The following FAM135B variants were observed in gnomAD, a reference collection of about 807,000 sequenced individuals.
The protein encoded by FAM135B is protein FAM135B.
In FAM135B, 43 loss-of-function variants were observed where a neutral mutation model predicts 127.7. The observed-to-expected ratio is 0.34, with a 90% CI of 0.26 to 0.43. FAM135B has a LOEUF of 0.43. FAM135B is among the 20% of genes least tolerant of loss of function. The pLI is 1.00. For missense variants in FAM135B, 1,558 were observed against 1,725.6 expected, an observed-to-expected ratio of 0.90 and a Z score of 1.72; for synonymous variants, 670 against 665.1, an observed-to-expected ratio of 1.01 and a Z score of -0.11.
intron 1 of FAM135B, among the ~76,000 whole-genome samples, chr8:138,478,319 T>C (rs946781897): frequency 3.9e-5 from 6 of 152,144 alleles, no homozygotes; most frequent in African/African-American, 1.4e-4. Flanking sequence ...AAGGTTCTTC[T>C]CTGTCCTTGG....
chr8:138,494,678 A>C lies in FAM135B; in HGVS notation c.-20+1993T>G, dbSNP rs148633528. On this transcript the variant is annotated intron_variant, in intron 1 of 19. Coordinates refer to ENST00000395297, the MANE Select transcript of FAM135B (RefSeq NM_015912.4). ...CCTTCAGCAATAAAATCAACCTGTC[A>C]GCATTCAGTCTATTTCAGTCAAATT... Among the ~76,000 whole-genome samples, 22 of 152,328 alleles carry C rather than the reference A, an allele frequency of 1.4e-4. No individual in the cohort carries two copies. The East Asian group carries it at 4.1e-3, about 28-fold the overall frequency.
At chr8:138,477,642 T>C (rs1367372489) in intron 1 of FAM135B, among the ~76,000 whole-genome samples, 1 of 152,174 alleles carries the variant, frequency 6.6e-6, no homozygotes, top group Non-Finnish European at 1.5e-5. Flanking sequence ...CCTCCTTTTC[T>C]CACTAAACAG....
chr8:138,347,760 G>T (rs1049852402), intron 2 of FAM135B, among the ~76,000 whole-genome samples: 1 of 152,072 alleles, frequency 6.6e-6, no homozygotes, highest in Admixed American at 6.6e-5. Context: ...GGATCAATAT[G>T]ACCTTAGAGA....
chr8:138,184,071 C>T lies in FAM135B; in HGVS notation c.874-5381G>A, dbSNP rs75866019. Among the ~76,000 whole-genome samples the T allele has an allele frequency of 2.2e-3, 328 of 152,294 alleles. 1 individual carries two copies. The highest frequency in any genetic ancestry group is 7.5e-3 in the African/African-American group (312 of 41,558). ...GAGCTCACCGGGAGCTCTCAGATCC[C>T]AGGATCTCAGATGGTTTCCTGAGAA... On this transcript the variant is annotated intron_variant, in intron 9 of 19. Transcript: ENST00000395297.
intron 11 of FAM135B, 150 bp downstream of exon 11, chr8:138,177,197 C>T: frequency 1.4e-6 from 1 of 740,270 alleles, no homozygotes; most frequent in South Asian, 2.1e-5. Context: ...CTGTCTGACT[C>T]TTTTGCCTGC....
At chr8:138,285,533 C>T (rs73439095) in intron 3 of FAM135B, among the ~76,000 whole-genome samples, 2,980 of 152,086 alleles carry the variant, frequency 0.02, 66 homozygotes, top group East Asian at 0.076. Flanking sequence ...GTTATGAGGA[C>T]GTATACAATA....
At chr8:138,161,072 T>C (rs1245764625) in intron 12 of FAM135B, among the ~76,000 whole-genome samples, 2 of 152,198 alleles carry the variant, frequency 1.3e-5, no homozygotes, top group Non-Finnish European at 2.9e-5. Context: ...ATAAACTTCA[T>C]GCTCTACAGT....
chr8:138,354,409 C>T (rs1829958890), intron 2 of FAM135B, among the ~76,000 whole-genome samples: 1 of 152,148 alleles, frequency 6.6e-6, no homozygotes, highest in South Asian at 2.1e-4. Context: ...TACCTTTGTG[C>T]ATACCTTCTC....
intron 1 of FAM135B, among the ~76,000 whole-genome samples, chr8:138,431,997 T>C (rs1172474352): frequency 6.6e-6 from 1 of 152,150 alleles, no homozygotes; most frequent in Non-Finnish European, 1.5e-5. Flanking sequence ...AAGTGTGTCA[T>C]GTGTCCTCCC....
intron 7 of FAM135B, among the ~76,000 whole-genome samples, chr8:138,205,457 G>T (rs1472709416): frequency 6.6e-6 from 1 of 152,142 alleles, no homozygotes. Flanking sequence ...TCAGGCCAGG[G>T]TCCAGGTTTA....
Position 138,242,839 on chromosome 8 carries a change from A to G in FAM135B, c.669+103T>C, listed in dbSNP as rs1820934894. 2.7e-6 allele frequency: 4 copies of G among 1,457,550 alleles called. No homozygotes were observed. The highest frequency in any genetic ancestry group is 4.8e-5 in the Admixed American group (2 of 41,760). The allele number at this position is 1,457,550 out of a possible 1,614,324, so 90.3% of individuals were successfully genotyped here. A position where few individuals can be genotyped will look rare whatever the true frequency, so the allele number is the denominator to read the frequency against. ...GAAAGGAAGGGTCAAATTAGCAAAAATCTCTGAAGGGGATGTTTCAAAGAA... is the reference window on the plus strand; with the variant it reads ...GAAAGGAAGGGTCAAATTAGCAAAAGTCTCTGAAGGGGATGTTTCAAAGAA... On this transcript the variant is annotated intron_variant, in intron 7 of 19. Coordinates refer to ENST00000395297, the MANE Select transcript of FAM135B (RefSeq NM_015912.4). This position sits in a 1 kb window ranked among gnomAD's most constrained non-coding sequence, Gnocchi z 9.6.
In FAM135B at chr8:138,481,094, G is replaced by C. The variant is rs138721036; in HGVS notation, c.-20+15577C>G. On this transcript the variant is annotated intron_variant, in intron 1 of 19. Transcript: ENST00000395297. ...TGTTAAAAGAATTTAAGTTTGAGGA[G>C]ATAGAGACCATGCCTGCCTTGCTCT... 3.3e-3 allele frequency among the ~76,000 whole-genome samples: 500 copies of C among 152,322 alleles called. 1 individual carries two copies. Among genetic ancestry groups the C allele is most frequent in the Non-Finnish European group, 5.9e-3 (404 of 68,034 alleles).
Position 138,236,518 on chromosome 8 carries a change from G to T in FAM135B, c.669+6424C>A, listed in dbSNP as rs367570744. ...TCTTTGGTTAAACATTCACATCATG[G>T]TTAATGATGGGGATGAGGAGATGGC... On this transcript the variant is annotated intron_variant, in intron 7 of 19. Coordinates refer to ENST00000395297, the MANE Select transcript of FAM135B (RefSeq NM_015912.4). Among the ~76,000 whole-genome samples, 4 of 152,150 alleles carry T rather than the reference G, an allele frequency of 2.6e-5. No homozygotes were observed. In the South Asian group the frequency reaches 8.3e-4, roughly 32 times the overall value.
At chr8:138,388,083 A>G (rs1403751215) in intron 1 of FAM135B, among the ~76,000 whole-genome samples, 2 of 152,190 alleles carry the variant, frequency 1.3e-5, no homozygotes, top group Non-Finnish European at 1.5e-5. Context: ...AAGTGGGCCG[A>G]GACCTTAACA....
chr8:138,387,428 G>C (rs1832284735), intron 1 of FAM135B, among the ~76,000 whole-genome samples: 2 of 152,176 alleles, frequency 1.3e-5, no homozygotes, highest in African/African-American at 4.8e-5. Context: ...AGCAAATGCA[G>C]TTCAGATAAG....
chr8:138,379,760 C>A (rs1375528261), intron 1 of FAM135B, among the ~76,000 whole-genome samples: 3 of 152,162 alleles, frequency 2.0e-5, no homozygotes, highest in Non-Finnish European at 2.9e-5. Context: ...AAGAATAGCA[C>A]CTCACATTCA....
rs367967671 is a variant in FAM135B, at chr8:138,426,018, C to CACAT, written c.-19-58020_-19-58017dup. Among the ~76,000 whole-genome samples the CACAT allele has an allele frequency of 5.3e-4, 54 of 101,996 alleles. 1 individual carries two copies. Among genetic ancestry groups the CACAT allele is most frequent in the East Asian group, 7.8e-4 (1 of 1,278 alleles). The allele number at this position is 101,996 out of a possible 152,430, so 66.9% of individuals were successfully genotyped here. A position where few individuals can be genotyped will look rare whatever the true frequency, so the allele number is the denominator to read the frequency against. The stretch of plus-strand genomic sequence containing the variant: ...ATATATATATATATATATATACACA[C>CACAT]ACATACATATACACACACACACACA... On this transcript the variant is annotated intron_variant, in intron 1 of 19. Coordinates refer to ENST00000395297, the MANE Select transcript of FAM135B (RefSeq NM_015912.4).
intron 2 of FAM135B, among the ~76,000 whole-genome samples, chr8:138,343,099 A>G (rs1429895406): frequency 6.6e-6 from 1 of 152,260 alleles, no homozygotes; most frequent in East Asian, 1.9e-4. Context: ...CATGACGAAT[A>G]GTTGAAGAAA....
At chr8:138,334,755 G>A (rs1050607421) in intron 2 of FAM135B, among the ~76,000 whole-genome samples, 7 of 152,022 alleles carry the variant, frequency 4.6e-5, no homozygotes, top group Non-Finnish European at 5.9e-5. Context: ...AGTATTCTAC[G>A]GTGTATATGA....
Sources: allele counts gnomAD v4.1 joint callset (sites outside exome capture counted in the v4.1 genomes callset), GRCh38; gene constraint gnomAD v4.1.1; non-coding constraint Gnocchi (gnomAD v3.1); transcripts MANE v1.5; gene names NCBI Gene and HGNC (gene_info 2026-07-23, HGNC 2026-07-21).